The following RALY variants were observed in gnomAD, a reference collection of about 807,000 sequenced individuals.
RALY encodes the protein RALY heterogeneous nuclear ribonucleoprotein, also known as RNA-binding protein Raly.
RALY carries 15 observed loss-of-function variants against 30.7 expected under a neutral mutation model. The observed-to-expected ratio is 0.49, with a 90% confidence interval of 0.33 to 0.75. RALY has a LOEUF of 0.75. RALY is among the 30% of genes least tolerant of loss of function. RALY has a pLI of 0.02. For synonymous variants in RALY, 177 were observed against 170.8 expected, an observed-to-expected ratio of 1.04 and a Z score of -0.28; for missense variants, 339 against 414.3, an observed-to-expected ratio of 0.82 and a Z score of 1.58.
chr20:34,072,496 T>A (rs1032961589), intron 3 of RALY, among the ~76,000 whole-genome samples, 166 bp downstream of exon 3: 1 of 152,216 alleles, frequency 6.6e-6, no homozygotes, highest in African/African-American at 2.4e-5. Context: ...TTAATCCCTA[T>A]AGGGAAGAAT....
Position 34,080,300 on chromosome 20 carries a change from G to A in RALY, c.*395G>A, listed in dbSNP as rs997270655. 1 of 152,318 alleles carries A rather than the reference G, an allele frequency of 6.6e-6. No homozygotes were observed. Among genetic ancestry groups the A allele is most frequent in the African/African-American group, 2.4e-5 (1 of 41,442 alleles). 9.4% of individuals were successfully genotyped at this position (152,318 alleles called of 1,614,324 possible). ...GGGATGGTTTGTGTTTTCTCATGAAGATATCCCGGCCCCTCTGCCAACCAA... is the reference window on the plus strand; with the variant it reads ...GGGATGGTTTGTGTTTTCTCATGAAAATATCCCGGCCCCTCTGCCAACCAA... On this transcript the variant is annotated 3_prime_UTR_variant, in exon 10 of 10. Transcript: ENST00000246194.
intron 1 of RALY, among the ~76,000 whole-genome samples, chr20:34,026,504 G>A (rs1026450966): frequency 6.8e-6 from 1 of 147,768 alleles, no homozygotes; most frequent in Non-Finnish European, 1.5e-5. Flanking sequence ...CCGGGTTCAC[G>A]CCATTCTCCT....
At chr20:34,062,807 C>T (rs2033456219) in intron 2 of RALY, among the ~76,000 whole-genome samples, 1 of 152,238 alleles carries the variant, frequency 6.6e-6, no homozygotes, top group African/African-American at 2.4e-5. Context: ...CAACAGCAAG[C>T]AGTGACTAAT....
chr20:34,009,134 C>T (rs1194565522), intron 1 of RALY, among the ~76,000 whole-genome samples: 1 of 152,046 alleles, frequency 6.6e-6, no homozygotes, highest in East Asian at 1.9e-4. Flanking sequence ...TGACGCTGAC[C>T]ATGAGCAATT....
chr20:34,038,369 G>T (rs1269511611), intron 2 of RALY, among the ~76,000 whole-genome samples: 2 of 152,294 alleles, frequency 1.3e-5, no homozygotes, highest in Non-Finnish European at 2.9e-5. Context: ...ACCAAGGTCT[G>T]TGAGCGTTGG....
rs535595293 is a variant in RALY, at chr20:34,043,448, C to T, written c.-10+11844C>T. ...TCTGGCAGCGTTTTAATTATCAACT[C>T]ACTTGCCACTCCATGTCCAGTCTTT... On this transcript the variant is annotated intron_variant, in intron 2 of 9. Transcript: ENST00000246194. Among the ~76,000 whole-genome samples the T allele has an allele frequency of 7.8e-4, 119 of 152,344 alleles. 1 individual carries two copies. Among genetic ancestry groups the T allele is most frequent in the Admixed American group, 1.3e-3 (20 of 15,294 alleles).
chr20:34,068,427 C>T (rs2033638382), intron 2 of RALY, among the ~76,000 whole-genome samples: 1 of 152,162 alleles, frequency 6.6e-6, no homozygotes, highest in African/African-American at 2.4e-5. Flanking sequence ...TATCTGGGAC[C>T]TCTGCCCTAG....
chr20:34,061,502 G>A (rs2033415834), intron 2 of RALY, among the ~76,000 whole-genome samples: 1 of 152,134 alleles, frequency 6.6e-6, no homozygotes. Context: ...TCAAAGTGAA[G>A]TTTAAAAAGC....
intron 3 of RALY, 54 bp from the exon 4 acceptor site, chr20:34,073,509 G>A (rs1421481199): frequency 4.0e-6 from 6 of 1,485,196 alleles, no homozygotes; most frequent in Non-Finnish European, 5.6e-6. Context: ...AGGTTGATGT[G>A]TGTGGGCACA....
chr20:34,034,892 C>A (rs895830462), intron 2 of RALY, among the ~76,000 whole-genome samples: 3 of 152,062 alleles, frequency 2.0e-5, no homozygotes, highest in African/African-American at 7.2e-5. Flanking sequence ...GTGGCTCACG[C>A]CTGTAATCCC....
At chr20:34,026,374 TTTTATTTA>T (rs372397530) in intron 1 of RALY, among the ~76,000 whole-genome samples, 13,172 of 142,360 alleles carry the variant, frequency 0.093, 722 homozygotes, top group African/African-American at 0.15. Context: ...ACCTCAGACA[TTTTATTTA>T]TTTATTTATT....
At chr20:34,071,388 C>T (rs1347268640) in intron 2 of RALY, among the ~76,000 whole-genome samples, 1 of 151,872 alleles carries the variant, frequency 6.6e-6, no homozygotes, top group East Asian at 1.9e-4. Flanking sequence ...AGCAATTTTC[C>T]TGCCTCAGCC....
intron 1 of RALY, among the ~76,000 whole-genome samples, chr20:34,019,813 G>A (rs1297027603): frequency 8.5e-5 from 13 of 152,186 alleles, no homozygotes. Flanking sequence ...TGTAATCCCA[G>A]CACTTTGGGA....
intron 1 of RALY, among the ~76,000 whole-genome samples, chr20:34,007,560 C>G (rs2031213235): frequency 6.6e-6 from 1 of 151,764 alleles, no homozygotes; most frequent in Non-Finnish European, 1.5e-5. Context: ...TGGCTCACGC[C>G]TATAATCCCA....
intron 2 of RALY, among the ~76,000 whole-genome samples, chr20:34,047,445 G>A (rs559383038): frequency 6.6e-6 from 1 of 152,316 alleles, no homozygotes; most frequent in South Asian, 2.1e-4. Context: ...TGAATGGAAG[G>A]ACTGGTGATG....
chr20:34,071,580 T>C (rs1378739455), intron 2 of RALY, among the ~76,000 whole-genome samples: 1 of 152,110 alleles, frequency 6.6e-6, no homozygotes, highest in African/African-American at 2.4e-5. Flanking sequence ...GCCCGGCCCC[T>C]GCAATTTTCA....
intron 1 of RALY, among the ~76,000 whole-genome samples, chr20:34,009,919 T>C (rs146453661): frequency 2.3e-4 from 35 of 152,302 alleles, no homozygotes; most frequent in African/African-American, 8.4e-4. Flanking sequence ...AGCCCAGCTC[T>C]AGAAGGAACT....
chr20:34,012,559 C>G (rs2031448794), intron 1 of RALY, among the ~76,000 whole-genome samples: 1 of 152,146 alleles, frequency 6.6e-6, no homozygotes, highest in Non-Finnish European at 1.5e-5. Flanking sequence ...TCACTGTTGC[C>G]CTTCTTGAGA....
chr20:34,045,450 A>G (rs2032848144), intron 2 of RALY, among the ~76,000 whole-genome samples: 2 of 152,138 alleles, frequency 1.3e-5, no homozygotes, highest in African/African-American at 4.8e-5. Context: ...TAGCAGCAGT[A>G]AAGAGGAAAG....
Sources: allele counts gnomAD v4.1 joint callset (sites outside exome capture counted in the v4.1 genomes callset), GRCh38; gene constraint gnomAD v4.1.1; transcripts MANE v1.5; gene names NCBI Gene and HGNC (gene_info 2026-07-23, HGNC 2026-07-21).